The following ALDH7A1 variants were observed in gnomAD, a reference collection of about 807,000 sequenced individuals.
ALDH7A1 encodes the protein aldehyde dehydrogenase 7 family member A1.
Under a neutral mutation model 79.9 loss-of-function variants are expected in ALDH7A1, and 63 were observed. The ratio of observed to expected loss-of-function variants is 0.79; its 90% confidence interval spans 0.64 to 0.97. The LOEUF (loss-of-function observed/expected upper bound fraction) is 0.97, where lower values mean the gene tolerates loss of function less well. Among genes scored for constraint, ALDH7A1 ranks in the 50% least tolerant of loss-of-function variants. ALDH7A1 has a pLI of 0.00. For missense variants in ALDH7A1, 627 were observed against 665.2 expected (o/e 0.94, Z 0.63); for synonymous variants, 240 against 231.2 (o/e 1.04, Z -0.34).
chr5:126,576,532 T>C (rs1750975674), intron 6 of ALDH7A1, among the ~76,000 whole-genome samples: 1 of 152,166 alleles, frequency 6.6e-6, no homozygotes, highest in South Asian at 2.1e-4. Flanking sequence ...CCATCTAAAA[T>C]ATAACATTTT....
In ALDH7A1 at chr5:126,542,351, G is replaced by A. The variant is rs1749632256; in HGVS notation, c.*2614C>T. 2 of 152,360 alleles carry A rather than the reference G, an allele frequency of 1.3e-5. No individual in the cohort carries two copies. Among genetic ancestry groups the A allele is most frequent in the South Asian group, 4.2e-4 (2 of 4,812 alleles). 9.4% of individuals were successfully genotyped at this position (152,360 alleles called of 1,614,324 possible). ...CTCTTGGTCCCTTCAGCATTTTCAG[G>A]AGACAGAATGCCACAGAGAATTTTC... is the stretch of plus-strand genomic sequence containing the variant. On this transcript the variant is annotated 3_prime_UTR_variant, in exon 18 of 18. Coordinates refer to ENST00000409134, the MANE Select transcript of ALDH7A1 (RefSeq NM_001182.5).
At position 126,544,815 on chromosome 5, in the gene ALDH7A1, A is replaced by G. The variant is rs1749730991; in HGVS notation, c.*150T>C. 3.0e-6 allele frequency: 2 copies of G among 665,682 alleles called. No individual in the cohort carries two copies. Among genetic ancestry groups the G allele is most frequent in the East Asian group, 5.5e-5 (2 of 36,256 alleles). The allele number at this position is 665,682 out of a possible 1,614,324, so 41.2% of individuals were successfully genotyped here. ...TGATTTTTAAAAAAGGAATCTCTTG[A>G]TTTAATCAGGGCTTTGGGGTCATAG... On this transcript the variant is annotated 3_prime_UTR_variant, in exon 18 of 18. Coordinates refer to ENST00000409134, the MANE Select transcript of ALDH7A1 (RefSeq NM_001182.5).
intron 5 of ALDH7A1, among the ~76,000 whole-genome samples, chr5:126,579,743 A>T (rs1324433821): frequency 6.6e-6 from 1 of 152,130 alleles, no homozygotes; most frequent in Admixed American, 6.5e-5. Flanking sequence ...GGATTATTTG[A>T]GCCAAGGAGT....
At chr5:126,568,162 C>A in intron 9 of ALDH7A1, 97 bp downstream of exon 9, 1 of 1,134,896 alleles carries the variant, frequency 8.8e-7, no homozygotes, top group South Asian at 1.2e-5. Context: ...ACCACTGCCT[C>A]CATGGAAAAG....
At chr5:126,574,175 C>T (rs762033765) in intron 7 of ALDH7A1, among the ~76,000 whole-genome samples, 5 of 151,438 alleles carry the variant, frequency 3.3e-5, no homozygotes, top group East Asian at 3.9e-4. Context: ...CCAAGGCAGG[C>T]GGATCACAAG....
At chr5:126,555,482 CAAAAAAA>C (rs762878623) in intron 12 of ALDH7A1, 2 of 70,464 alleles carry the variant, frequency 2.8e-5, no homozygotes, top group Admixed American at 3.0e-4. Flanking sequence ...AACTGTGTCT[CAAAAAAA>C]AAAAAAAAAA....
At chr5:126,564,425 G>C in intron 9 of ALDH7A1, 1 of 759,636 alleles carries the variant, frequency 1.3e-6, no homozygotes, top group Non-Finnish European at 1.8e-6. Context: ...TAGGATTACA[G>C]ACGTGAGCCA....
intron 13 of ALDH7A1, 121 bp from the exon 14 acceptor site, chr5:126,552,258 T>C (rs1221294638): frequency 2.7e-5 from 19 of 703,934 alleles, no homozygotes; most frequent in Non-Finnish European, 4.5e-5. Flanking sequence ...TATAGGTGAA[T>C]TATTTCTCCA....
chr5:126,593,464 A>G, intron 1 of ALDH7A1, 60 bp from the exon 2 acceptor site: 1 of 1,606,858 alleles, frequency 6.2e-7, no homozygotes, highest in Non-Finnish European at 8.5e-7. Context: ...AAGTAAGGGA[A>G]TAGACCAAAC....
At chr5:126,561,049 C>T (rs1018526423) in intron 10 of ALDH7A1, 34 bp downstream of exon 10, 1 of 1,611,822 alleles carries the variant, frequency 6.2e-7, no homozygotes, top group African/African-American at 1.3e-5. Flanking sequence ...GGAAACTGAA[C>T]AGAAAACAAA....
At chr5:126,583,820 A>T (rs1294631393) in intron 4 of ALDH7A1, 112 bp downstream of exon 4, 14 of 852,776 alleles carry the variant, frequency 1.6e-5, no homozygotes, top group Non-Finnish European at 2.7e-5. Flanking sequence ...AGCCTGGGTG[A>T]CAGCAAGACT....
intron 1 of ALDH7A1, chr5:126,594,159 C>G (rs912847739): frequency 4.3e-6 from 2 of 469,720 alleles, no homozygotes; most frequent in Middle Eastern, 6.5e-4. Flanking sequence ...GGGTATCAGG[C>G]GCGGTGTTAA....
intron 15 of ALDH7A1, 35 bp downstream of exon 15, chr5:126,550,161 A>T: frequency 6.3e-7 from 1 of 1,593,458 alleles, no homozygotes; most frequent in South Asian, 1.1e-5. Context: ...CATAAATCAG[A>T]CTTATATAAA....
At chr5:126,547,379 G>A (rs1749824131) in intron 16 of ALDH7A1, among the ~76,000 whole-genome samples, 1 of 152,226 alleles carries the variant, frequency 6.6e-6, no homozygotes, top group South Asian at 2.1e-4. Context: ...AATCTCCCAA[G>A]AGACTCCCTA....
intron 5 of ALDH7A1, chr5:126,581,165 T>C (rs1295470002): frequency 6.6e-6 from 1 of 152,020 alleles, no homozygotes; most frequent in Non-Finnish European, 1.5e-5. Context: ...AGTATCTTCA[T>C]TGTTAAAACC....
chr5:126,559,484 G>A lies in ALDH7A1; in HGVS notation c.914-150C>T, dbSNP rs1489025429. On this transcript the variant is annotated intron_variant, in intron 10 of 17. Transcript: ENST00000409134. ...GAGTTTTGTTCTTGTCACCCAGGAT[G>A]GAGTGCAATGGCACGATCTCGGCTC... is the stretch of plus-strand genomic sequence containing the variant. 4 of 588,496 alleles carry A rather than the reference G, an allele frequency of 6.8e-6. No individual in the cohort carries two copies. In the African/African-American group the frequency reaches 8.1e-5, roughly 12 times the overall value. The allele number at this position is 588,496 out of a possible 1,614,324, so 36.5% of individuals were successfully genotyped here.
At chr5:126,550,784 T>G (rs1201920448) in intron 14 of ALDH7A1, among the ~76,000 whole-genome samples, 1 of 152,186 alleles carries the variant, frequency 6.6e-6, no homozygotes, top group Non-Finnish European at 1.5e-5. Flanking sequence ...CGTGAAACAA[T>G]GATAGGCAAT....
rs558759280 is a variant in ALDH7A1 at position 126,585,440 on chromosome 5, G to T, written c.313-1428C>A. On this transcript the variant is annotated intron_variant, in intron 3 of 17. Coordinates refer to ENST00000409134, the MANE Select transcript of ALDH7A1 (RefSeq NM_001182.5). Reference sequence around the variant, plus strand: ...CACACTTGCCTCACAGAGCTTGGCTGTGAGCTCAAGGTTCTTCCTTGCTCT... The same window carrying T: ...CACACTTGCCTCACAGAGCTTGGCTTTGAGCTCAAGGTTCTTCCTTGCTCT... Among the ~76,000 whole-genome samples, 253 of 152,330 alleles carry T rather than the reference G, an allele frequency of 1.7e-3. 1 individual carries two copies. Among genetic ancestry groups the T allele is most frequent in the African/African-American group, 5.8e-3 (243 of 41,572 alleles).
intron 6 of ALDH7A1, among the ~76,000 whole-genome samples, chr5:126,575,742 C>CAGTT (rs2112792668): frequency 6.6e-6 from 1 of 152,318 alleles, no homozygotes; most frequent in East Asian, 1.9e-4. Flanking sequence ...TAACCTCAGC[C>CAGTT]AGTTATAGGA....
Sources: gnomAD v4.1 joint callset for allele counts (sites outside exome capture counted in the v4.1 genomes callset) on GRCh38, gnomAD v4.1.1 for gene constraint, MANE v1.5 for transcripts, NCBI Gene and HGNC (gene_info 2026-07-23, HGNC 2026-07-21) for gene names.